Variants in RARB observed in about 807,000 individuals in gnomAD.
RARB encodes HBV-activated protein.
In RARB, 17 loss-of-function variants were observed where a neutral mutation model predicts 51.9. That is an observed-to-expected ratio of 0.33 (90% confidence interval 0.22 to 0.49). RARB has a LOEUF of 0.49. Among genes scored for constraint, RARB ranks in the 20% least tolerant of loss-of-function variants. The pLI is 0.99. For missense variants in RARB, 369 were observed against 550.8 expected, an observed-to-expected ratio of 0.67 and a Z score of 3.30; for synonymous variants, 215 against 195.4, an observed-to-expected ratio of 1.10 and a Z score of -0.84.
At chr3:25,116,207 A>C (rs897394596) in intron 3 of RARB, among the ~76,000 whole-genome samples, 6 of 152,186 alleles carry the variant, frequency 3.9e-5, no homozygotes, top group African/African-American at 1.4e-4. Context: ...CAAGTCTGTG[A>C]AATTGTATAC....
At chr3:25,304,184 C>T (rs868630728) in intron 5 of RARB, among the ~76,000 whole-genome samples, 104 of 152,316 alleles carry the variant, frequency 6.8e-4, no homozygotes, top group African/African-American at 2.3e-3. Flanking sequence ...GGCAGATAGT[C>T]AAGGCCTTCC....
chr3:25,213,113 A>G (rs1403439033), intron 5 of RARB, among the ~76,000 whole-genome samples: 1 of 152,166 alleles, frequency 6.6e-6, no homozygotes, highest in African/African-American at 2.4e-5. Flanking sequence ...CATATAAGAT[A>G]CTATATATAT....
chr3:24,915,597 T>A (rs200983825), intron 2 of RARB, among the ~76,000 whole-genome samples: 1 of 152,314 alleles, frequency 6.6e-6, no homozygotes, highest in East Asian at 1.9e-4. Context: ...CAAATGTTGT[T>A]TCATGAAGGT....
At chr3:24,844,642 C>A (rs1039489664) in intron 1 of RARB, among the ~76,000 whole-genome samples, 1 of 152,186 alleles carries the variant, frequency 6.6e-6, no homozygotes, top group Admixed American at 6.5e-5. Context: ...AATTGTACTG[C>A]ATGACCTTGG....
chr3:24,911,836 T>C (rs1216708128), intron 2 of RARB, among the ~76,000 whole-genome samples: 5 of 152,132 alleles, frequency 3.3e-5, no homozygotes, highest in Non-Finnish European at 7.4e-5. Context: ...TGGGAGTGTG[T>C]TTTTTCTAGG....
chr3:25,569,674 A>G, intron 3 of RARB, 84 bp from the exon 4 acceptor site: 1 of 1,439,900 alleles, frequency 6.9e-7, no homozygotes, highest in Non-Finnish European at 9.4e-7. Context: ...AGCTTAAGGC[A>G]GCCTTGGGAG....
chr3:25,384,756 C>G (rs1395273383), intron 5 of RARB, among the ~76,000 whole-genome samples: 1 of 152,202 alleles, frequency 6.6e-6, no homozygotes, highest in Non-Finnish European at 1.5e-5. Flanking sequence ...TACGAACATA[C>G]TCCCAGAAAA....
At chr3:24,939,584 A>G (rs1396653581) in intron 2 of RARB, among the ~76,000 whole-genome samples, 1 of 152,220 alleles carries the variant, frequency 6.6e-6, no homozygotes, top group Non-Finnish European at 1.5e-5. Context: ...GAGTTTCACT[A>G]GGGTCAAACT....
At chr3:25,155,247 A>G (rs1700355576) in intron 4 of RARB, among the ~76,000 whole-genome samples, 1 of 151,818 alleles carries the variant, frequency 6.6e-6, no homozygotes, top group African/African-American at 2.4e-5. Flanking sequence ...CTTTCCTGCC[A>G]TGAAAGTGAT....
intron 2 of RARB, among the ~76,000 whole-genome samples, chr3:24,916,536 C>CCT (rs1258657512): frequency 6.6e-6 from 1 of 152,024 alleles, no homozygotes; most frequent in Non-Finnish European, 1.5e-5. Flanking sequence ...CTTCTTTTAC[C>CCT]CTCTCTGATA....
chr3:25,207,962 G>T (rs1701595065), intron 5 of RARB, among the ~76,000 whole-genome samples: 1 of 151,816 alleles, frequency 6.6e-6, no homozygotes, highest in Admixed American at 6.6e-5. Flanking sequence ...TTTACTCATG[G>T]CAGAAAGCAA....
chr3:24,935,754 T>G (rs1187099776), intron 2 of RARB, among the ~76,000 whole-genome samples: 1 of 152,166 alleles, frequency 6.6e-6, no homozygotes, highest in Non-Finnish European at 1.5e-5. Context: ...TTGGATTGTT[T>G]GTTTTCACTT....
intron 5 of RARB, among the ~76,000 whole-genome samples, chr3:25,379,301 G>A (rs1706557673): frequency 6.6e-6 from 1 of 152,126 alleles, no homozygotes; most frequent in Admixed American, 6.6e-5. Flanking sequence ...GCTAGAGTAG[G>A]AGGTGAGGAG....
intron 2 of RARB, among the ~76,000 whole-genome samples, chr3:24,927,409 A>G (rs1384520361): frequency 1.3e-5 from 2 of 152,106 alleles, no homozygotes; most frequent in African/African-American, 4.8e-5. Context: ...TTGTAAGGCA[A>G]TCCTGTAACT....
chr3:25,250,844 G>T (rs1702699363), intron 5 of RARB, among the ~76,000 whole-genome samples: 1 of 152,146 alleles, frequency 6.6e-6, no homozygotes, highest in African/African-American at 2.4e-5. Context: ...GACTCACAAG[G>T]GTTAAGAGAC....
chr3:25,309,347 G>A (rs1344407869), intron 5 of RARB, among the ~76,000 whole-genome samples: 4 of 150,294 alleles, frequency 2.7e-5, no homozygotes, highest in Non-Finnish European at 5.9e-5. Flanking sequence ...CACCGTGTTA[G>A]CCAGGCTGGT....
chr3:24,929,940 C>A (rs1002004536), intron 2 of RARB, among the ~76,000 whole-genome samples: 2 of 151,978 alleles, frequency 1.3e-5, no homozygotes, highest in Non-Finnish European at 2.9e-5. Context: ...TAATGCTGTT[C>A]TTGTTTTTTC....
intron 1 of RARB, among the ~76,000 whole-genome samples, chr3:25,446,664 G>T (rs568882880): frequency 6.6e-6 from 1 of 151,738 alleles, no homozygotes; most frequent in Non-Finnish European, 1.5e-5. Flanking sequence ...TTAGCCGGGC[G>T]TGGTGGCAGG....
At chr3:25,321,314 G>A (rs561122700) in intron 5 of RARB, among the ~76,000 whole-genome samples, 3 of 152,280 alleles carry the variant, frequency 2.0e-5, no homozygotes, top group South Asian at 4.1e-4. Flanking sequence ...TACTGCTTCC[G>A]CCAAGCCAAA....
Sources: gnomAD v4.1 joint callset for allele counts (sites outside exome capture counted in the v4.1 genomes callset) on GRCh38, gnomAD v4.1.1 for gene constraint, MANE v1.5 for transcripts, NCBI Gene and HGNC (gene_info 2026-07-23, HGNC 2026-07-21) for gene names.